The following HDAC11 variants were observed in gnomAD, a reference collection of about 807,000 sequenced individuals.
The protein encoded by HDAC11 is histone deacetylase 11.
HDAC11 carries 23 observed loss-of-function variants against 41.1 expected under a neutral mutation model. The ratio of observed to expected loss-of-function variants is 0.56; its 90% confidence interval spans 0.40 to 0.79. The LOEUF is 0.79. HDAC11 is among the 30% of genes least tolerant of loss of function. The pLI is 0.00. For missense variants in HDAC11, 402 were observed against 477.3 expected, an observed-to-expected ratio of 0.84 and a Z score of 1.47; for synonymous variants, 187 against 186.6, an observed-to-expected ratio of 1.00 and a Z score of -0.02.
intron 5 of HDAC11, among the ~76,000 whole-genome samples, chr3:13,499,956 T>C (rs978105092): frequency 2.6e-5 from 4 of 152,152 alleles, no homozygotes; most frequent in African/African-American, 9.7e-5. Flanking sequence ...TCTCCTCATC[T>C]GTAAAATGGG....
At chr3:13,498,444 A>G in intron 4 of HDAC11, 69 bp from the exon 5 acceptor site, 2 of 1,580,882 alleles carry the variant, frequency 1.3e-6, no homozygotes, top group Admixed American at 1.7e-5. Flanking sequence ...GAATGAGTGC[A>G]TGAATCAGTG....
chr3:13,480,432 G>T lies in HDAC11; in HGVS notation c.2+83G>T. 1.1e-6 allele frequency: 1 copy of T among 885,964 alleles called. No homozygotes were observed. The highest frequency in any genetic ancestry group is 1.5e-6 in the Non-Finnish European group (1 of 684,664). The allele number at this position is 885,964 out of a possible 1,614,324, so 54.9% of individuals were successfully genotyped here. A position where few individuals can be genotyped will look rare whatever the true frequency, so the allele number is the denominator to read the frequency against. On this transcript the variant is annotated intron_variant, in intron 1 of 9. Transcript: ENST00000295757. This position sits in a 1 kb window ranked among gnomAD's most constrained non-coding sequence, Gnocchi z 4.6. ...CGCTAGGGCGAGGGCGGGGACGGCC[G>T]GGCGGGCGCGCCAGGTAAGGGCCCA...
intron 2 of HDAC11, among the ~76,000 whole-genome samples, 198 bp downstream of exon 2, chr3:13,481,592 C>G (rs935920755): frequency 5.9e-5 from 9 of 152,212 alleles, no homozygotes; most frequent in Non-Finnish European, 1.0e-4. Flanking sequence ...GACTCAGACT[C>G]TCCCTGGCTC....
intron 3 of HDAC11, among the ~76,000 whole-genome samples, chr3:13,483,940 G>A (rs968945024): frequency 3.9e-5 from 6 of 151,988 alleles, no homozygotes; most frequent in African/African-American, 1.5e-4. Flanking sequence ...TATTTTGTTT[G>A]TTTGTTTGTT....
Position 13,480,314 on chromosome 3 carries a change from A to T in HDAC11, c.-34A>T, listed in dbSNP as rs552978883. The T allele has an allele frequency of 5.1e-5, 63 of 1,232,186 alleles. No individual in the cohort carries two copies. In the East Asian group the frequency reaches 1.6e-3, roughly 32 times the overall value. 76.3% of individuals were successfully genotyped at this position (1,232,186 alleles called of 1,614,324 possible). A position where few individuals can be genotyped will look rare whatever the true frequency, so the allele number is the denominator to read the frequency against. ...CCCGCCCCGCCCCGCCCGGTCGCGG[A>T]GCTGCGGCCAGCTTTGGGAGGGCCG... On this transcript the variant is annotated 5_prime_UTR_variant, in exon 1 of 10. Coordinates refer to ENST00000295757, the MANE Select transcript of HDAC11 (RefSeq NM_024827.4). This position sits in a 1 kb window ranked among gnomAD's most constrained non-coding sequence, Gnocchi z 4.6.
intron 3 of HDAC11, 45 bp downstream of exon 3, chr3:13,483,609 G>T (rs762453650): frequency 1.3e-6 from 2 of 1,508,214 alleles, no homozygotes; most frequent in Non-Finnish European, 1.8e-6. Context: ...GGGGCAGGGG[G>T]CTGCTGGCCA....
intron 3 of HDAC11, among the ~76,000 whole-genome samples, chr3:13,489,597 C>A (rs1014365070): frequency 6.6e-6 from 1 of 152,332 alleles, no homozygotes; most frequent in South Asian, 2.1e-4. Context: ...GGGTTGCATT[C>A]TTTCGACAGC....
chr3:13,503,847 A>C (rs1431733323), intron 8 of HDAC11, among the ~76,000 whole-genome samples: 1 of 152,160 alleles, frequency 6.6e-6, no homozygotes, highest in African/African-American at 2.4e-5. Context: ...AGGCAGTGAA[A>C]TCTGACATTG....
chr3:13,499,350 G>A (rs1702249293), intron 5 of HDAC11, among the ~76,000 whole-genome samples: 1 of 152,084 alleles, frequency 6.6e-6, no homozygotes, highest in African/African-American at 2.4e-5. Context: ...TGTATTTTTA[G>A]TAGAGACAGG....
intron 2 of HDAC11, among the ~76,000 whole-genome samples, chr3:13,482,631 A>T (rs974233160): frequency 5.3e-5 from 8 of 152,176 alleles, no homozygotes; most frequent in African/African-American, 1.7e-4. Flanking sequence ...AAATAAAAAT[A>T]AAAAACTTAG....
intron 6 of HDAC11, chr3:13,501,563 T>C (rs2125011266): frequency 1.6e-6 from 1 of 613,612 alleles, no homozygotes; most frequent in South Asian, 1.5e-5. Flanking sequence ...CCTACACATT[T>C]CCTAGGGAAT....
At chr3:13,487,710 G>T (rs1025133178) in intron 3 of HDAC11, among the ~76,000 whole-genome samples, 3 of 152,172 alleles carry the variant, frequency 2.0e-5, no homozygotes, top group Admixed American at 6.5e-5. Context: ...CTCAGAACAC[G>T]TGGATCCAGC....
At chr3:13,493,477 G>A (rs941479331) in intron 3 of HDAC11, among the ~76,000 whole-genome samples, 1 of 152,252 alleles carries the variant, frequency 6.6e-6, no homozygotes, top group South Asian at 2.1e-4. Context: ...CAGTCCAGTC[G>A]CCACTGGCCG....
In HDAC11 at chr3:13,496,786, CCCCAACTTCCTT is replaced by C; in HGVS notation, c.304_315del (p.Pro102_Leu105del). 1.2e-6 allele frequency: 2 copies of C among 1,609,716 alleles called. No homozygotes were observed. Among genetic ancestry groups the C allele is most frequent in the Admixed American group, 3.4e-5 (2 of 59,492 alleles). ...CAGAAATCCCCCCCGTTATCTTCCT[CCCCAACTTCCTT>C]GTGCAGAGGAAGGTGCTGAGGCCCC... is the stretch of plus-strand genomic sequence containing the variant. On this transcript the variant is annotated inframe_deletion, in exon 4 of 10. Transcript: ENST00000295757.
At position 13,504,488 on chromosome 3, in the gene HDAC11, G is replaced by A. The variant is rs918381360; in HGVS notation, c.849G>A (p.Glu283=). 2 of 1,613,286 alleles carry A rather than the reference G, an allele frequency of 1.2e-6. No individual in the cohort carries two copies. Among genetic ancestry groups the A allele is most frequent in the Admixed American group, 1.7e-5 (1 of 60,014 alleles). Residue 283 remains glutamate (E), a synonymous_variant, in exon 10 of 10, where the codon GAG becomes GAA. Coordinates refer to ENST00000295757, the MANE Select transcript of HDAC11 (RefSeq NM_024827.4). The part of the protein sequence containing the change: ...ISPAGIVKRD[E]LVFRMVRGRR... ...AACAGGGCATCGTGAAGCGGGATGA[G>A]CTGGTGTTCCGGATGGTCCGTGGCC... is the stretch of plus-strand genomic sequence containing the variant.
chr3:13,503,114 A>G lies in HDAC11; in HGVS notation c.649+134A>G, dbSNP rs537535160. 1.6e-5 allele frequency: 10 copies of G among 612,604 alleles called. No homozygotes were observed. The South Asian group carries it at 2.0e-4, about 12-fold the overall frequency. 37.9% of individuals were successfully genotyped at this position (612,604 alleles called of 1,614,324 possible). On this transcript the variant is annotated intron_variant, in intron 8 of 9. Transcript: ENST00000295757. ...GCATCCCTGTGAGGTGATCCTTTCC[A>G]TTTTACAGATGAGGAAACCGAGACC...
chr3:13,488,982 T>G (rs1316138826), intron 3 of HDAC11, among the ~76,000 whole-genome samples: 1 of 152,204 alleles, frequency 6.6e-6, no homozygotes, highest in Non-Finnish European at 1.5e-5. Flanking sequence ...TCTCATGGTT[T>G]TAATTTGCAT....
Position 13,501,765 on chromosome 3 carries a change from G to A in HDAC11, c.490-106G>A, listed in dbSNP as rs927241072. The A allele has an allele frequency of 4.1e-6, 4 of 968,714 alleles. No homozygotes were observed. The African/African-American group carries it at 4.8e-5, about 12-fold the overall frequency. The allele number at this position is 968,714 out of a possible 1,614,324, so 60.0% of individuals were successfully genotyped here. On this transcript the variant is annotated intron_variant, in intron 6 of 9. Coordinates refer to ENST00000295757, the MANE Select transcript of HDAC11 (RefSeq NM_024827.4). ...TGCTGGGTGGCCTGATTACCCACAA[G>A]CATTAGGCCCCCCTCCCCGCCCCTC...
chr3:13,480,356 G>A lies in HDAC11; in HGVS notation c.2+7G>A. The A allele has an allele frequency of 8.2e-7, 1 of 1,215,388 alleles. No individual in the cohort carries two copies. Among genetic ancestry groups the A allele is most frequent in the Non-Finnish European group, 1.0e-6 (1 of 976,906 alleles). The allele number at this position is 1,215,388 out of a possible 1,614,324, so 75.3% of individuals were successfully genotyped here. ...GGAGGGCCGGCCCCGGGATGTGAGT[G>A]CCGCGGGGCGAGGGCGGGGGTGGGC... On this transcript the variant is annotated splice_region_variant and intron_variant, in intron 1 of 9. Coordinates refer to ENST00000295757, the MANE Select transcript of HDAC11 (RefSeq NM_024827.4). This position sits in a 1 kb window ranked among gnomAD's most constrained non-coding sequence, Gnocchi z 4.6.
Sources: allele counts gnomAD v4.1 joint callset (sites outside exome capture counted in the v4.1 genomes callset), GRCh38; gene constraint gnomAD v4.1.1; non-coding constraint Gnocchi (gnomAD v3.1); transcripts MANE v1.5; gene names NCBI Gene and HGNC (gene_info 2026-07-23, HGNC 2026-07-21).